The following AK5 variants were observed in gnomAD, a reference collection of about 807,000 sequenced individuals.
AK5 encodes adenylate kinase isoenzyme 5.
Under a neutral mutation model 69.5 loss-of-function variants are expected in AK5, and 27 were observed. That is an observed-to-expected ratio of 0.39 (90% CI 0.29 to 0.54). The LOEUF (loss-of-function observed/expected upper bound fraction) is 0.54, where lower values mean the gene tolerates loss of function less well. Among genes scored for constraint, AK5 ranks in the 20% least tolerant of loss-of-function variants. AK5 has a pLI of 0.71. For missense variants in AK5, 531 were observed against 700.4 expected (o/e 0.76, Z 2.73); for synonymous variants, 260 against 244.4 (o/e 1.06, Z -0.60).
At chr1:77,376,492 C>T (rs188112307) in intron 6 of AK5, among the ~76,000 whole-genome samples, 55 of 142,654 alleles carry the variant, frequency 3.9e-4, no homozygotes, top group African/African-American at 1.4e-3. Context: ...TCATTACTGA[C>T]TTCATGAGTA....
intron 6 of AK5, among the ~76,000 whole-genome samples, chr1:77,401,226 A>C (rs1335634086): frequency 6.6e-6 from 1 of 152,204 alleles, no homozygotes; most frequent in African/African-American, 2.4e-5. Context: ...TGCAATCTTC[A>C]ATTTTTAGTT....
At chr1:77,408,810 TA>T (rs1649832681) in intron 6 of AK5, among the ~76,000 whole-genome samples, 1 of 152,188 alleles carries the variant, frequency 6.6e-6, no homozygotes, top group South Asian at 2.1e-4. Context: ...GTTTGTTACA[TA>T]GGTAAACATA....
chr1:77,386,830 T>C (rs1487886704), intron 6 of AK5, among the ~76,000 whole-genome samples: 2 of 152,120 alleles, frequency 1.3e-5, no homozygotes, highest in Admixed American at 6.6e-5. Flanking sequence ...CTCTTCATCC[T>C]CCCCTCTCCC....
chr1:77,509,528 G>A (rs1657222482), intron 10 of AK5, among the ~76,000 whole-genome samples: 1 of 152,014 alleles, frequency 6.6e-6, no homozygotes, highest in African/African-American at 2.4e-5. Flanking sequence ...ATGATCTGAT[G>A]GCATAATAAT....
chr1:77,433,169 A>G (rs141457825), intron 8 of AK5, among the ~76,000 whole-genome samples: 486 of 152,324 alleles, frequency 3.2e-3, no homozygotes, highest in Non-Finnish European at 5.3e-3. Flanking sequence ...AATTAGGAGA[A>G]TTCAGGTTCT....
intron 5 of AK5, chr1:77,314,946 T>C (rs985033923): frequency 6.6e-6 from 1 of 152,258 alleles, no homozygotes; most frequent in Non-Finnish European, 1.5e-5. Context: ...GATGCTATCA[T>C]GTTCTAGGCT....
chr1:77,458,321 C>G (rs922837977), intron 8 of AK5, among the ~76,000 whole-genome samples: 6 of 152,136 alleles, frequency 3.9e-5, no homozygotes, highest in Non-Finnish European at 5.9e-5. Flanking sequence ...CTGCTTCTTT[C>G]ATTATGTCTC....
intron 8 of AK5, among the ~76,000 whole-genome samples, chr1:77,442,533 T>C (rs1652392358): frequency 6.6e-6 from 1 of 152,174 alleles, no homozygotes; most frequent in African/African-American, 2.4e-5. Context: ...TCCCAGCTTA[T>C]CCTAGCTGGG....
chr1:77,368,331 T>C lies in AK5; in HGVS notation c.891+27763T>C, dbSNP rs963475299. Among the ~76,000 whole-genome samples the C allele has an allele frequency of 4.1e-4, 44 of 107,330 alleles. 1 individual carries two copies. Among genetic ancestry groups the C allele is most frequent in the Non-Finnish European group, 8.4e-4 (41 of 49,086 alleles). 70.4% of individuals were successfully genotyped at this position (107,330 alleles called of 152,430 possible). On this transcript the variant is annotated intron_variant, in intron 6 of 13. Transcript: ENST00000354567. ...TATATGTTATATATAATATATATGT[T>C]ATATATGTTATATATATATGTTGTG...
At chr1:77,419,289 G>A (rs1394128931) in intron 8 of AK5, among the ~76,000 whole-genome samples, 1 of 152,038 alleles carries the variant, frequency 6.6e-6, no homozygotes, top group Non-Finnish European at 1.5e-5. Flanking sequence ...CTCCAGCAGA[G>A]GCTAATGCAA....
intron 1 of AK5, chr1:77,282,964 C>A (rs1658143337): frequency 6.1e-5 from 60 of 985,540 alleles, no homozygotes; most frequent in Non-Finnish European, 7.0e-5. Flanking sequence ...TGAATGAACT[C>A]CTGAGCACGT....
chr1:77,356,051 C>G (rs1001236895), intron 6 of AK5, among the ~76,000 whole-genome samples: 10 of 152,242 alleles, frequency 6.6e-5, no homozygotes, highest in African/African-American at 1.9e-4. Flanking sequence ...TTCAAGATCT[C>G]TAGTCTTTAA....
intron 13 of AK5, among the ~76,000 whole-genome samples, chr1:77,538,313 T>C (rs776128623): frequency 8.7e-5 from 13 of 148,968 alleles, no homozygotes; most frequent in African/African-American, 1.2e-4. Flanking sequence ...CACTCCAGCC[T>C]GGGCAACAGA....
At chr1:77,440,401 T>C (rs1163786481) in intron 8 of AK5, among the ~76,000 whole-genome samples, 1 of 152,210 alleles carries the variant, frequency 6.6e-6, no homozygotes, top group African/African-American at 2.4e-5. Context: ...GTTTTTAAAA[T>C]TCTCTCTTTG....
At chr1:77,317,443 G>A (rs1027188439) in intron 5 of AK5, among the ~76,000 whole-genome samples, 1 of 151,992 alleles carries the variant, frequency 6.6e-6, no homozygotes, top group African/African-American at 2.4e-5. Flanking sequence ...TAAATAGGAA[G>A]AGTGTAAAAA....
At chr1:77,430,134 A>G (rs1651508131) in intron 8 of AK5, among the ~76,000 whole-genome samples, 1 of 152,072 alleles carries the variant, frequency 6.6e-6, no homozygotes, top group African/African-American at 2.4e-5. Flanking sequence ...GGAGTTCAAA[A>G]AAAAAAAACA....
intron 13 of AK5, among the ~76,000 whole-genome samples, chr1:77,549,646 G>A (rs892751002): frequency 2.0e-5 from 3 of 151,950 alleles, no homozygotes; most frequent in South Asian, 4.2e-4. Context: ...CTGTCTCCAT[G>A]AGTTCAATTG....
intron 10 of AK5, among the ~76,000 whole-genome samples, chr1:77,518,022 T>A (rs956328642): frequency 6.6e-6 from 1 of 152,236 alleles, no homozygotes; most frequent in Non-Finnish European, 1.5e-5. Flanking sequence ...TATTCCCAAG[T>A]GTTTCTGAAA....
chr1:77,467,067 G>C (rs1654186343), intron 8 of AK5, among the ~76,000 whole-genome samples: 1 of 152,192 alleles, frequency 6.6e-6, no homozygotes, highest in Non-Finnish European at 1.5e-5. Context: ...ATGTGAACAT[G>C]CATCAAATTG....
Sources: gnomAD v4.1 joint callset for allele counts (sites outside exome capture counted in the v4.1 genomes callset) on GRCh38, gnomAD v4.1.1 for gene constraint, MANE v1.5 for transcripts, NCBI Gene and HGNC (gene_info 2026-07-23, HGNC 2026-07-21) for gene names.